The following EIF2B3 variants were observed in gnomAD, a reference collection of about 807,000 sequenced individuals.
EIF2B3 encodes the protein eukaryotic translation initiation factor 2B subunit gamma, also known as translation initiation factor eIF2B subunit gamma.
EIF2B3 carries 20 observed loss-of-function variants against 54.1 expected under a neutral mutation model. That is an observed-to-expected ratio of 0.37 (90% CI 0.26 to 0.54). The LOEUF (loss-of-function observed/expected upper bound fraction) is 0.54, where lower values mean the gene tolerates loss of function less well. Ranked by LOEUF, EIF2B3 falls within the 20% of genes least tolerant of loss-of-function variation. The pLI is 0.86. For missense variants in EIF2B3, 448 were observed against 547.8 expected (o/e 0.82, Z 1.82); for synonymous variants, 153 against 188.1 (o/e 0.81, Z 1.52).
chr1:44,879,839 G>A lies in EIF2B3; in HGVS notation c.954C>T (p.Leu318=). 1 of 1,613,968 alleles carries A rather than the reference G, an allele frequency of 6.2e-7. No individual in the cohort carries two copies. The highest frequency in any genetic ancestry group is 8.5e-7 in the Non-Finnish European group (1 of 1,180,024). ...GLCSRVSTLG[L]YMEANRQVPK... is the part of the protein sequence containing the mutation. ...TCACCTGTCTGTTTGCTTCCATGTA[G>A]AGTCCCAGTGTGCTCACTCGAGAGC... is the stretch of plus-strand genomic sequence containing the variant. Residue 318 remains leucine, a synonymous_variant, in exon 8 of 12, where the codon CTC becomes CTT. Transcript: ENST00000360403.
chr1:44,914,744 A>G (rs1317275684), intron 5 of EIF2B3, among the ~76,000 whole-genome samples: 1 of 151,856 alleles, frequency 6.6e-6, no homozygotes, highest in Non-Finnish European at 1.5e-5. Context: ...GCCGGAGTGC[A>G]GTAGCACGGT....
intron 2 of EIF2B3, among the ~76,000 whole-genome samples, chr1:44,979,559 A>G (rs894050740): frequency 4.0e-5 from 6 of 151,282 alleles, no homozygotes; most frequent in Non-Finnish European, 7.4e-5. Context: ...TCAGGAGGCT[A>G]AGATGGGAGG....
chr1:44,958,635 G>A, intron 3 of EIF2B3: 1 of 1,566,290 alleles, frequency 6.4e-7, no homozygotes, highest in Non-Finnish European at 8.8e-7. Context: ...ATGGGTCACT[G>A]CCTGCTCTCA....
chr1:44,893,754 G>A (rs1243491956), intron 6 of EIF2B3, among the ~76,000 whole-genome samples: 1 of 151,728 alleles, frequency 6.6e-6, no homozygotes, highest in Non-Finnish European at 1.5e-5. Flanking sequence ...GACTGTAACC[G>A]TGGATACTTC....
intron 3 of EIF2B3, among the ~76,000 whole-genome samples, chr1:44,942,924 C>T (rs936780403): frequency 2.0e-5 from 3 of 150,398 alleles, no homozygotes; most frequent in African/African-American, 7.5e-5. Context: ...GGCAAGATCT[C>T]GGCTCACGGC....
chr1:44,850,847 G>C lies in EIF2B3; in HGVS notation c.*104C>G. Reference sequence around the variant, plus strand: ...CTCCACAAGTCTCCAGCATGCCTTTGGAAGCCCTTCTTTATTGGGAAATAA... The same window carrying C: ...CTCCACAAGTCTCCAGCATGCCTTTCGAAGCCCTTCTTTATTGGGAAATAA... On this transcript the variant is annotated 3_prime_UTR_variant, in exon 12 of 12. Transcript: ENST00000360403. The C allele has an allele frequency of 7.4e-7, 1 of 1,343,442 alleles. No homozygotes were observed. Among genetic ancestry groups the C allele is most frequent in the East Asian group, 2.3e-5 (1 of 43,504 alleles). 83.2% of individuals were successfully genotyped at this position (1,343,442 alleles called of 1,614,324 possible).
At chr1:44,914,782 T>G (rs4415616) in intron 5 of EIF2B3, among the ~76,000 whole-genome samples, 25,819 of 151,766 alleles carry the variant, frequency 0.17, 2,305 homozygotes, top group Non-Finnish European at 0.18. Flanking sequence ...TCCGCCACCC[T>G]GTTTCACGAC....
At chr1:44,854,971 T>C (rs954233289) in intron 11 of EIF2B3, among the ~76,000 whole-genome samples, 1 of 152,090 alleles carries the variant, frequency 6.6e-6, no homozygotes, top group Non-Finnish European at 1.5e-5. Flanking sequence ...TTGCCATCTA[T>C]TGAGCTCTTT....
Position 44,912,358 on chromosome 1 carries a change from C to T in EIF2B3, c.566+14270G>A, listed in dbSNP as rs188273920. On this transcript the variant is annotated intron_variant, in intron 5 of 11. Coordinates refer to ENST00000360403, the MANE Select transcript of EIF2B3 (RefSeq NM_020365.5). ...TCCAACACTGTGATACTTTTCAAGT[C>T]TTATATACCTTAAATCTATCCTACA... Among the ~76,000 whole-genome samples, 4 of 152,226 alleles carry T rather than the reference C, an allele frequency of 2.6e-5. No individual in the cohort carries two copies. In the East Asian group the frequency reaches 7.7e-4, roughly 29 times the overall value.
chr1:44,875,988 G>T (rs1251592648), intron 8 of EIF2B3, among the ~76,000 whole-genome samples: 1 of 152,236 alleles, frequency 6.6e-6, no homozygotes, highest in African/African-American at 2.4e-5. Flanking sequence ...GTTTCGCTGT[G>T]TTGGCCGGGC....
At position 44,881,489 on chromosome 1, in the gene EIF2B3, C is replaced by G; in HGVS notation, c.784+123G>C. The G allele has an allele frequency of 7.3e-7, 1 of 1,363,362 alleles. No individual in the cohort carries two copies. The allele number at this position is 1,363,362 out of a possible 1,614,324, so 84.5% of individuals were successfully genotyped here. A position where few individuals can be genotyped will look rare whatever the true frequency, so the allele number is the denominator to read the frequency against. ...GTGGGTTGGCAAGCCTGTCTTGCCT[C>G]GTAGGCTAGAAATAGTCTGCTGCCT... On this transcript the variant is annotated intron_variant, in intron 7 of 11. Transcript: ENST00000360403. This position sits in a 1 kb window ranked among gnomAD's most constrained non-coding sequence, Gnocchi z 4.0.
chr1:44,923,803 TTC>T (rs959174447), intron 5 of EIF2B3, among the ~76,000 whole-genome samples: 4 of 149,468 alleles, frequency 2.7e-5, no homozygotes, highest in African/African-American at 1.0e-4. Flanking sequence ...CTTTCTCTCT[TTC>T]TTTCTTTCAT....
At chr1:44,859,384 C>T (rs190668905) in intron 10 of EIF2B3, among the ~76,000 whole-genome samples, 4 of 151,916 alleles carry the variant, frequency 2.6e-5, no homozygotes, top group Admixed American at 2.0e-4. Context: ...TGGCTGGGTG[C>T]GGTGGCTCAT....
At chr1:44,933,684 C>T (rs920785183) in intron 4 of EIF2B3, among the ~76,000 whole-genome samples, 11 of 152,122 alleles carry the variant, frequency 7.2e-5, no homozygotes, top group African/African-American at 2.4e-4. Context: ...GTTATGGAAT[C>T]AGAAGGCATG....
rs1360608959 is a variant in EIF2B3, at chr1:44,881,599, C to A, written c.784+13G>T. The A allele has an allele frequency of 6.2e-7, 1 of 1,613,726 alleles. No individual in the cohort carries two copies. The highest frequency in any genetic ancestry group is 8.5e-7 in the Non-Finnish European group (1 of 1,179,816). The stretch of plus-strand genomic sequence containing the variant: ...ACCCTTGCCCCTCTTACTGAACCAA[C>A]CCAAGAACTGACCTAAGGACTTCAG... On this transcript the variant is annotated intron_variant, in intron 7 of 11. Transcript: ENST00000360403. This position sits in a 1 kb window ranked among gnomAD's most constrained non-coding sequence, Gnocchi z 4.0.
At chr1:44,921,979 A>G (rs1195973436) in intron 5 of EIF2B3, among the ~76,000 whole-genome samples, 2 of 150,976 alleles carry the variant, frequency 1.3e-5, no homozygotes, top group African/African-American at 2.4e-5. Flanking sequence ...CAATGGCGCA[A>G]TCTCAGCTCA....
At chr1:44,941,223 T>C (rs1644017519) in intron 4 of EIF2B3, among the ~76,000 whole-genome samples, 1 of 152,284 alleles carries the variant, frequency 6.6e-6, no homozygotes, top group South Asian at 2.1e-4. Context: ...TTTTTGTTTG[T>C]TTGTTTCTTA....
chr1:44,868,194 C>T lies in EIF2B3; in HGVS notation c.1202+6484G>A, dbSNP rs368737667. Reference sequence around the variant, plus strand: ...CGAGCGGATCACAAGATCAGGAAATCGAGACCATCCTGGCTAATATGGTGA... The same window carrying T: ...CGAGCGGATCACAAGATCAGGAAATTGAGACCATCCTGGCTAATATGGTGA... On this transcript the variant is annotated intron_variant, in intron 10 of 11. Transcript: ENST00000360403. Among the ~76,000 whole-genome samples, 6 of 152,056 alleles carry T rather than the reference C, an allele frequency of 3.9e-5. No homozygotes were observed. The East Asian group carries it at 7.7e-4, about 20-fold the overall frequency.
chr1:44,874,778 A>C lies in EIF2B3; in HGVS notation c.1102T>G (p.Ser368Ala). The C allele has an allele frequency of 6.2e-7, 1 of 1,614,136 alleles. No homozygotes were observed. Among genetic ancestry groups the C allele is most frequent in the Non-Finnish European group, 8.5e-7 (1 of 1,180,028 alleles). Residue 368 changes from serine (S) to alanine (A), a missense_variant, in exon 10 of 12, where the codon TCA (serine) becomes GCA (alanine). This residue lies in a region of EIF2B3 where 350 missense variants were observed against 414.2 expected (regional missense o/e 0.85). Transcript: ENST00000360403. The stretch of plus-strand genomic sequence containing the variant: ...CCAATGACTGAGCGCTTAATGGATG[A>C]CTTCTCTCCAATCTGTGTCTCTGGC... ...IGPETQIGEK[S>A]SIKRSVIGSS...
Sources: allele counts gnomAD v4.1 joint callset (sites outside exome capture counted in the v4.1 genomes callset), GRCh38; gene constraint gnomAD v4.1.1; regional missense constraint gnomAD v4.1.1; non-coding constraint Gnocchi (gnomAD v3.1); transcripts MANE v1.5; gene names NCBI Gene and HGNC (gene_info 2026-07-23, HGNC 2026-07-21).